PCSK5: variants seen among roughly 807,000 people sequenced by gnomAD.
PCSK5 encodes prohormone convertase 5.
Under a neutral mutation model 233.2 loss-of-function variants are expected in PCSK5, and 129 were observed. That is an observed-to-expected ratio of 0.55 (90% CI 0.48 to 0.64). The LOEUF is 0.64. Among genes scored for constraint, PCSK5 ranks in the 30% least tolerant of loss-of-function variants. The pLI, the probability that PCSK5 is intolerant of heterozygous loss-of-function variation, is 0.00. For synonymous variants in PCSK5, 825 were observed against 879.2 expected (o/e 0.94, Z 1.09); for missense variants, 2,076 against 2,430.1 (o/e 0.85, Z 3.06).
At chr9:76,201,044 C>T (rs187830462) in intron 20 of PCSK5, among the ~76,000 whole-genome samples, 6 of 152,276 alleles carry the variant, frequency 3.9e-5, no homozygotes, top group South Asian at 2.1e-4. Context: ...GCCAGTTGAA[C>T]GAAAGAACAG....
intron 1 of PCSK5, among the ~76,000 whole-genome samples, chr9:75,929,299 C>A (rs1823668026): frequency 2.0e-5 from 3 of 152,144 alleles, no homozygotes; most frequent in Non-Finnish European, 4.4e-5. Context: ...TTGAGCCATG[C>A]ACTAGGAGCT....
chr9:75,900,939 A>G (rs1826003761), intron 1 of PCSK5, among the ~76,000 whole-genome samples: 1 of 152,080 alleles, frequency 6.6e-6, no homozygotes, highest in Non-Finnish European at 1.5e-5. Flanking sequence ...AGTGTGTGGT[A>G]CAGGAGAAAC....
At chr9:75,912,474 T>G (rs1822787437) in intron 1 of PCSK5, among the ~76,000 whole-genome samples, 1 of 152,186 alleles carries the variant, frequency 6.6e-6, no homozygotes, top group Non-Finnish European at 1.5e-5. Flanking sequence ...CCTGTTAAAA[T>G]GTGGATTCTG....
intron 3 of PCSK5, among the ~76,000 whole-genome samples, chr9:75,990,229 G>A (rs1826709623): frequency 6.6e-6 from 1 of 152,134 alleles, no homozygotes; most frequent in Admixed American, 6.5e-5. Flanking sequence ...GTAGGGTCCT[G>A]CCTCCAGCTC....
At chr9:76,346,147 AT>A in intron 35 of PCSK5, among the ~76,000 whole-genome samples, 1 of 53,172 alleles carries the variant, frequency 1.9e-5, no homozygotes, top group Admixed American at 2.7e-4. Context: ...ACCAGAGATT[AT>A]TTTTCCCACG....
chr9:76,067,955 G>T lies in PCSK5; in HGVS notation c.633G>T (p.Lys211Asn). Residue 211 changes from lysine (K) to asparagine (N), a missense_variant and splice_region_variant, in exon 6 of 38, where the codon AAG becomes AAT. Transcript: ENST00000674117. ...MPRYDASNEN[K>N]HGTRCAGEVA... ...GAAAGTGTGTGTGTTCTGCCTGCAG[G>T]CATGGGACTCGCTGTGCTGGAGAAG... 3 of 1,612,954 alleles carry T rather than the reference G, an allele frequency of 1.9e-6. No homozygotes were observed. Among genetic ancestry groups the T allele is most frequent in the Admixed American group, 1.7e-5 (1 of 60,000 alleles).
At chr9:76,197,382 C>G (rs1192378467) in intron 20 of PCSK5, among the ~76,000 whole-genome samples, 1 of 152,144 alleles carries the variant, frequency 6.6e-6, no homozygotes, top group Non-Finnish European at 1.5e-5. Context: ...GCTGAATAAG[C>G]TACCCTTCAT....
At chr9:76,127,761 G>A (rs1029506796) in intron 9 of PCSK5, among the ~76,000 whole-genome samples, 1 of 152,106 alleles carries the variant, frequency 6.6e-6, no homozygotes, top group African/African-American at 2.4e-5. Context: ...TCATCATGAC[G>A]CTTGTCTTTG....
intron 2 of PCSK5, among the ~76,000 whole-genome samples, chr9:75,979,150 T>G (rs1367078363): frequency 6.6e-6 from 1 of 152,082 alleles, no homozygotes; most frequent in African/African-American, 2.4e-5. Flanking sequence ...CTGGGACACT[T>G]TTTATCATAG....
upstream of PCSK5, among the ~76,000 whole-genome samples, chr9:75,889,816 T>G (rs559514719): frequency 6.6e-6 from 1 of 152,154 alleles, no homozygotes; most frequent in African/African-American, 2.4e-5. Flanking sequence ...CAGTGCATGA[T>G]AGAGTAATGA....
At chr9:75,920,621 A>G (rs555984002) in intron 1 of PCSK5, among the ~76,000 whole-genome samples, 1 of 152,064 alleles carries the variant, frequency 6.6e-6, no homozygotes, top group Admixed American at 6.6e-5. Flanking sequence ...CCTGGGCAAC[A>G]TGACAAAACC....
Position 76,310,772 on chromosome 9 carries a change from G to C in PCSK5, c.3805G>C (p.Asp1269His), listed in dbSNP as rs567490475. The C allele has an allele frequency of 1.9e-6, 3 of 1,612,012 alleles. No homozygotes were observed. Among genetic ancestry groups the C allele is most frequent in the Non-Finnish European group, 2.5e-6 (3 of 1,179,528 alleles). Residue 1269 changes from aspartate to histidine, a missense_variant, in exon 30 of 38, where the codon GAT (aspartate) becomes CAT (histidine). Physicochemically the swap from Asp to His is moderately conservative, Grantham distance 81. This residue lies in a region of PCSK5 where 1,510 missense variants were observed against 1,538.1 expected (regional missense o/e 0.98). Transcript: ENST00000674117. ...GGCCTGTGCCATCTGCTCTGGAGCC[G>C]ATCTTTGCAAAAAATGCCAGATGCA... ...TEACAICSGADLCKKCQMQPG... is the reference protein window; with the variant it reads ...TEACAICSGAHLCKKCQMQPG...
At chr9:76,087,880 C>T (rs528777742) in intron 7 of PCSK5, among the ~76,000 whole-genome samples, 64 of 152,150 alleles carry the variant, frequency 4.2e-4, no homozygotes, top group African/African-American at 1.4e-3. Flanking sequence ...GAAGTCATGT[C>T]GCATAAGAAA....
intron 24 of PCSK5, among the ~76,000 whole-genome samples, chr9:76,267,065 C>A (rs904552766): frequency 6.6e-6 from 1 of 152,158 alleles, no homozygotes; most frequent in Non-Finnish European, 1.5e-5. Context: ...AATGAAGGCC[C>A]CTGGAGGGCT....
At chr9:76,319,017 C>G (rs1829112477) in intron 30 of PCSK5, among the ~76,000 whole-genome samples, 1 of 152,152 alleles carries the variant, frequency 6.6e-6, no homozygotes, top group Non-Finnish European at 1.5e-5. Flanking sequence ...TGAGGCAGGT[C>G]TCAGTCAATT....
At chr9:75,948,166 A>T (rs1824664401) in intron 2 of PCSK5, among the ~76,000 whole-genome samples, 1 of 152,014 alleles carries the variant, frequency 6.6e-6, no homozygotes, top group Admixed American at 6.6e-5. Context: ...ATAAATATAT[A>T]TATTTTTATT....
chr9:76,075,765 A>G (rs1212681895), intron 7 of PCSK5, among the ~76,000 whole-genome samples: 1 of 152,246 alleles, frequency 6.6e-6, no homozygotes, highest in Non-Finnish European at 1.5e-5. Flanking sequence ...CCTATGCAGC[A>G]GCCTAAAGTC....
intron 18 of PCSK5, 129 bp from the exon 19 acceptor site, chr9:76,188,965 C>A: frequency 1.2e-6 from 1 of 829,630 alleles, no homozygotes; most frequent in Non-Finnish European, 1.8e-6. Flanking sequence ...CCAGGGAAAT[C>A]AAGAAAAAGC....
intron 23 of PCSK5, among the ~76,000 whole-genome samples, chr9:76,239,752 G>T (rs1347871615): frequency 6.6e-6 from 1 of 151,874 alleles, no homozygotes; most frequent in Non-Finnish European, 1.5e-5. Flanking sequence ...AATGATCTTG[G>T]CGGGTGGGGG....
Sources: gnomAD v4.1 joint callset for allele counts (sites outside exome capture counted in the v4.1 genomes callset) on GRCh38, gnomAD v4.1.1 for gene constraint, gnomAD v4.1.1 regional missense constraint, MANE v1.5 for transcripts, NCBI Gene and HGNC (gene_info 2026-07-23, HGNC 2026-07-21) for gene names.